The following ASMTL variants were observed in gnomAD, a reference collection of about 807,000 sequenced individuals.
The protein encoded by ASMTL is acetylserotonin O-methyltransferase like.
ASMTL carries 57 observed loss-of-function variants against 60.3 expected under a neutral mutation model. The observed-to-expected ratio is 0.95, with a 90% CI of 0.76 to 1.18. The LOEUF (loss-of-function observed/expected upper bound fraction) is 1.18, where lower values mean the gene tolerates loss of function less well. ASMTL is among the 50% of genes most tolerant of loss of function. The pLI is 0.00. For synonymous variants in ASMTL, 419 were observed against 373.0 expected, an observed-to-expected ratio of 1.12 and a Z score of -1.42; for missense variants, 981 against 852.6, an observed-to-expected ratio of 1.15 and a Z score of -1.88.
chrX:1,435,453 C>G (rs1422135121), intron 4 of ASMTL: 5 of 619,398 alleles, frequency 8.1e-6, no homozygotes, highest in African/African-American at 1.8e-5. Context: ...TCTCATGACC[C>G]CAACAGTCTG....
chrX:1,450,990 C>G (rs1261086424), intron 1 of ASMTL, among the ~76,000 whole-genome samples: 3 of 141,418 alleles, frequency 2.1e-5, no homozygotes, highest in Non-Finnish European at 4.7e-5. Flanking sequence ...ATTCTCCCCT[C>G]CCCCATCCCT....
At position 1,432,199 on chromosome X, in the gene ASMTL, A is replaced by T. The variant is rs758853879; in HGVS notation, c.509+70T>A. ...CCTTCTTTCCCAAAGGCTGGGTGGG[A>T]CACCCCACGTGTGAGGGTGGCCAGG... On this transcript the variant is annotated intron_variant, in intron 6 of 12. Coordinates refer to ENST00000381317, the MANE Select transcript of ASMTL (RefSeq NM_004192.4). 995 of 1,279,668 alleles carry T rather than the reference A, an allele frequency of 7.8e-4. 6 individuals carry two copies. The highest frequency in any genetic ancestry group is 5.5e-3 in the Middle Eastern group (21 of 3,824). 79.3% of individuals were successfully genotyped at this position (1,279,668 alleles called of 1,614,324 possible).
chrX:1,418,533 A>T (rs1216686426), intron 10 of ASMTL, among the ~76,000 whole-genome samples: 2 of 152,026 alleles, frequency 1.3e-5, no homozygotes, highest in Non-Finnish European at 2.9e-5. Flanking sequence ...GTGCTACAGC[A>T]GCCACTCTGG....
At chrX:1,438,102 A>G (rs1245170853) in intron 3 of ASMTL, among the ~76,000 whole-genome samples, 9 of 151,598 alleles carry the variant, frequency 5.9e-5, no homozygotes, top group Non-Finnish European at 1.3e-4. Context: ...CAGCCTGGCC[A>G]ACATGGTGAA....
Position 1,427,979 on chromosome X carries a change from C to T in ASMTL, c.652G>A (p.Glu218Lys), listed in dbSNP as rs751109103. Residue 218 changes from glutamate (E) to lysine (K), a missense_variant, in exon 7 of 13, where the codon GAG becomes AAG. Glu to Lys is a moderately conservative substitution (Grantham distance 56, BLOSUM62 1). Transcript: ENST00000381317. ...TGCTTGACACTCCGCCGCAGGTCCT[C>T]CGGACGGGGCGGGTAGTAGAGCTTC... ...LVKLYYPPRP[E>K]DLRRSVKHDS... 209 of 1,613,574 alleles carry T rather than the reference C, an allele frequency of 1.3e-4. 2 individuals are homozygous for T. In the South Asian group the frequency reaches 2.1e-3, roughly 16 times the overall value.
chrX:1,431,593 C>T (rs1193163263), intron 6 of ASMTL, among the ~76,000 whole-genome samples: 2 of 140,460 alleles, frequency 1.4e-5, no homozygotes, highest in Non-Finnish European at 3.0e-5. Flanking sequence ...ATACATATTA[C>T]AGTATAATCT....
chrX:1,431,390 C>T (rs1213353132), intron 6 of ASMTL, among the ~76,000 whole-genome samples: 3 of 132,444 alleles, frequency 2.3e-5, no homozygotes, highest in Non-Finnish European at 4.6e-5. Flanking sequence ...ATTATAACTA[C>T]CTATTATATA....
At position 1,417,598 on chromosome X, in the gene ASMTL, T is replaced by TGCACACAGATGCAGACACAC. The variant is rs1361005779; in HGVS notation, c.1522+355_1522+374dup. Among the ~76,000 whole-genome samples the TGCACACAGATGCAGACACAC allele has an allele frequency of 1.6e-4, 23 of 145,744 alleles. No homozygotes were observed. In the East Asian group the frequency reaches 4.3e-3, roughly 27 times the overall value. The stretch of plus-strand genomic sequence containing the variant: ...CACAGACACCCACCGGCTCACAGCA[T>TGCACACAGATGCAGACACAC]GCACACAGATGCAGACACACACACA... On this transcript the variant is annotated intron_variant, in intron 11 of 12. Coordinates refer to ENST00000381317, the MANE Select transcript of ASMTL (RefSeq NM_004192.4).
chrX:1,418,863 T>G, intron 10 of ASMTL, 119 bp downstream of exon 10: 1 of 1,315,566 alleles, frequency 7.6e-7, no homozygotes, highest in East Asian at 2.4e-5. Context: ...CCTGGCCCGG[T>G]TCAGGTCGTT....
Position 1,442,308 on chromosome X carries a change from A to G in ASMTL, c.103T>C (p.Phe35Leu). 6.2e-7 allele frequency: 1 copy of G among 1,613,844 alleles called. No individual in the cohort carries two copies. Among genetic ancestry groups the G allele is most frequent in the Non-Finnish European group, 8.5e-7 (1 of 1,179,840 alleles). ...TTAAACTTGGAGGGGACCACCTCAA[A>G]CCTGAGACCCTGCAACAGTAGAAAA... ...QEILSNAGLR[F>L]EVVPSKFKEK... is the part of the protein sequence containing the mutation. Residue 35 changes from phenylalanine (F) to leucine (L), a missense_variant, in exon 2 of 13, where the codon TTT (phenylalanine) becomes CTT (leucine). Transcript: ENST00000381317.
chrX:1,424,021 TCCATCCATCCATCCATCCACCCACC>T (rs2090545164), intron 8 of ASMTL, among the ~76,000 whole-genome samples: 2 of 136,528 alleles, frequency 1.5e-5, no homozygotes, highest in Non-Finnish European at 3.2e-5. Flanking sequence ...CATCCATCTG[TCCATCCATCCATCCATCCACCCACC>T]CACCTACCCA....
intron 5 of ASMTL, among the ~76,000 whole-genome samples, chrX:1,433,340 G>A (rs1461988073): frequency 6.6e-6 from 1 of 151,606 alleles, no homozygotes; most frequent in Non-Finnish European, 1.5e-5. Flanking sequence ...CTCCCCAGTG[G>A]CGGATGATGT....
At chrX:1,433,400 T>C (rs2090863937) in intron 5 of ASMTL, among the ~76,000 whole-genome samples, 2 of 146,612 alleles carry the variant, frequency 1.4e-5, no homozygotes, top group South Asian at 4.3e-4. Flanking sequence ...GCGCGGTGGC[T>C]CACGCCTGTC....
At chrX:1,420,415 A>C (rs1185111220) in intron 9 of ASMTL, among the ~76,000 whole-genome samples, 1 of 151,678 alleles carries the variant, frequency 6.6e-6, no homozygotes, top group East Asian at 1.9e-4. Flanking sequence ...GTCTCTCCCC[A>C]ACATCTGCAG....
chrX:1,433,626 G>A (rs1311112934), intron 5 of ASMTL, among the ~76,000 whole-genome samples: 2 of 151,798 alleles, frequency 1.3e-5, no homozygotes, highest in South Asian at 2.1e-4. Flanking sequence ...CTTGCAGTGA[G>A]CCGAGATGGC....
At chrX:1,437,764 G>T (rs1279308149) in intron 3 of ASMTL, among the ~76,000 whole-genome samples, 1 of 151,184 alleles carries the variant, frequency 6.6e-6, no homozygotes, top group Admixed American at 6.6e-5. Flanking sequence ...ACACGTGGTC[G>T]CGCGCACCTG....
At chrX:1,453,022 GGCC>G (rs1569535399), upstream of ASMTL, 212 of 556,370 alleles carry the variant, frequency 3.8e-4, 1 homozygote, top group African/African-American at 4.0e-3. Flanking sequence ...ACCGCGCCCA[GGCC>G]ACGCCTCCAT....
At chrX:1,416,542 GACAC>G (rs1192628427) in intron 11 of ASMTL, among the ~76,000 whole-genome samples, 1 of 85,298 alleles carries the variant, frequency 1.2e-5, no homozygotes, top group Non-Finnish European at 2.9e-5. Context: ...CACACGCACG[GACAC>G]ACAGAGATAC....
At chrX:1,437,425 T>TG (rs1180829341) in intron 3 of ASMTL, among the ~76,000 whole-genome samples, 2 of 150,510 alleles carry the variant, frequency 1.3e-5, no homozygotes, top group Non-Finnish European at 1.5e-5. Flanking sequence ...GATCCAGGTG[T>TG]GGGCAGGGCT....
Sources: allele counts gnomAD v4.1 joint callset (sites outside exome capture counted in the v4.1 genomes callset), GRCh38; gene constraint gnomAD v4.1.1; transcripts MANE v1.5; gene names NCBI Gene and HGNC (gene_info 2026-07-23, HGNC 2026-07-21).